Variants in LTBP1 observed in about 807,000 individuals in gnomAD.
LTBP1 encodes the protein latent-transforming growth factor beta-binding protein 1.
Under a neutral mutation model 207.6 loss-of-function variants are expected in LTBP1, and 129 were observed. The observed-to-expected ratio is 0.62, with a 90% CI of 0.54 to 0.72. The LOEUF (loss-of-function observed/expected upper bound fraction) is 0.72. Ranked by LOEUF, LTBP1 falls within the 30% of genes least tolerant of loss-of-function variation. The pLI is 0.00. For synonymous variants in LTBP1, 963 were observed against 833.7 expected (o/e 1.16, Z -2.67); for missense variants, 2,281 against 2,217.2 (o/e 1.03, Z -0.58).
At chr2:33,185,285 T>C (rs1446236955) in intron 5 of LTBP1, among the ~76,000 whole-genome samples, 5 of 152,144 alleles carry the variant, frequency 3.3e-5, no homozygotes, top group Non-Finnish European at 5.9e-5. Flanking sequence ...CAGGACCAGA[T>C]GTTTGAGTAG....
intron 3 of LTBP1, among the ~76,000 whole-genome samples, chr2:33,033,077 A>T (rs192785026): frequency 1.3e-5 from 2 of 152,206 alleles, no homozygotes. Context: ...AAAAGAAATG[A>T]TTGGGACTTT....
chr2:33,368,108 G>A (rs2095018189), intron 31 of LTBP1, among the ~76,000 whole-genome samples: 2 of 152,144 alleles, frequency 1.3e-5, no homozygotes, highest in Admixed American at 6.5e-5. Flanking sequence ...TCAGGAGGCT[G>A]AGGCAGGAGA....
intron 5 of LTBP1, among the ~76,000 whole-genome samples, chr2:33,173,912 T>G (rs2085738187): frequency 6.9e-6 from 1 of 145,430 alleles, no homozygotes; most frequent in African/African-American, 2.5e-5. Flanking sequence ...AACCACATGA[T>G]TATCTCAATA....
At chr2:33,118,200 A>C (rs1211830258) in intron 4 of LTBP1, among the ~76,000 whole-genome samples, 5 of 150,708 alleles carry the variant, frequency 3.3e-5, no homozygotes, top group African/African-American at 9.8e-5. Flanking sequence ...CAAAAAAAAA[A>C]AAACAAAAAA....
intron 9 of LTBP1, among the ~76,000 whole-genome samples, chr2:33,228,888 ACAGGGTT>A (rs1364000646): frequency 1.1e-4 from 17 of 151,246 alleles, no homozygotes; most frequent in African/African-American, 4.1e-4. Flanking sequence ...TTTAGTAGAG[ACAGGGTT>A]TCACCATGTT....
Position 32,947,683 on chromosome 2 carries a change from C to G in LTBP1, c.359C>G (p.Pro120Arg), listed in dbSNP as rs763724587. The G allele has an allele frequency of 6.7e-7, 1 of 1,498,096 alleles. No individual in the cohort carries two copies. Among genetic ancestry groups the G allele is most frequent in the African/African-American group, 1.5e-5 (1 of 68,808 alleles). The allele number at this position is 1,498,096 out of a possible 1,614,324, so 92.8% of individuals were successfully genotyped here. Reference protein sequence around the residue: ...RPAVPGGQLHPNPGGHPAAAP... With the variant: ...RPAVPGGQLHRNPGGHPAAAP... ...GCGGTCCCCGGCGGGCAGCTCCACC[C>G]CAATCCCGGCGGCCACCCGGCAGCC... The change falls in exon 1 of 34, where the codon CCC becomes CGC. Residue 120 changes from proline to arginine, a missense_variant. This residue lies in a region of LTBP1 where 555 missense variants were observed against 491.0 expected (regional missense o/e 1.13). Coordinates refer to ENST00000404816, the MANE Select transcript of LTBP1 (RefSeq NM_206943.4).
At chr2:33,142,745 A>G (rs2082736858) in intron 5 of LTBP1, among the ~76,000 whole-genome samples, 1 of 152,180 alleles carries the variant, frequency 6.6e-6, no homozygotes, top group Non-Finnish European at 1.5e-5. Flanking sequence ...GTGGTTTGCC[A>G]GATCTGTGAG....
At chr2:33,259,470 G>T in intron 12 of LTBP1, 118 bp from the exon 13 acceptor site, 1 of 686,410 alleles carries the variant, frequency 1.5e-6, no homozygotes, top group Non-Finnish European at 2.3e-6. Flanking sequence ...ATTTGCTTTA[G>T]TCTGATTCTT....
chr2:33,271,757 A>G (rs1438289174), intron 15 of LTBP1, among the ~76,000 whole-genome samples: 1 of 152,122 alleles, frequency 6.6e-6, no homozygotes, highest in Non-Finnish European at 1.5e-5. Context: ...ATTATATTCT[A>G]TATTATAATT....
chr2:33,338,333 G>A (rs539048629), intron 24 of LTBP1, among the ~76,000 whole-genome samples: 29 of 152,200 alleles, frequency 1.9e-4, no homozygotes, highest in Admixed American at 7.2e-4. Flanking sequence ...TTTGGTTCCT[G>A]TGCACAGTAA....
intron 3 of LTBP1, 34 bp from the exon 4 acceptor site, chr2:33,110,547 AT>A: frequency 6.3e-7 from 1 of 1,591,194 alleles, no homozygotes; most frequent in Non-Finnish European, 8.6e-7. Context: ...AAAGCCCATT[AT>A]TTAATTCCTT....
In LTBP1 at chr2:33,003,407, A is replaced by C. The variant is rs565976803; in HGVS notation, c.566-17502A>C. On this transcript the variant is annotated intron_variant, in intron 2 of 33. Coordinates refer to ENST00000404816, the MANE Select transcript of LTBP1 (RefSeq NM_206943.4). ...AGTTGAGGCTTAAGAGGGTTAAATAACTTGCTAAAGGTCATGCAGCCAGTT... is the reference window on the plus strand; with the variant it reads ...AGTTGAGGCTTAAGAGGGTTAAATACCTTGCTAAAGGTCATGCAGCCAGTT... Among the ~76,000 whole-genome samples, 4 of 152,318 alleles carry C rather than the reference A, an allele frequency of 2.6e-5. No homozygotes were observed. In the South Asian group the frequency reaches 6.2e-4, roughly 24 times the overall value.
chr2:32,964,641 G>T (rs1679662596), intron 2 of LTBP1, among the ~76,000 whole-genome samples: 2 of 151,900 alleles, frequency 1.3e-5, no homozygotes, highest in South Asian at 4.1e-4. Flanking sequence ...AAAGGCCACA[G>T]TTCTAAGAAA....
chr2:33,301,069 T>G (rs1302205595), intron 21 of LTBP1, among the ~76,000 whole-genome samples: 2 of 152,216 alleles, frequency 1.3e-5, no homozygotes, highest in African/African-American at 4.8e-5. Context: ...TTGCAAAATA[T>G]GTTCTGTTCC....
rs556158149 is a variant in LTBP1, at chr2:33,383,495, A to G, written c.4712-5689A>G. ...TCGTTAATCCATGTTTAAACCTGTA[A>G]GAAAAATACCTGGTCTAGAAATTGT... On this transcript the variant is annotated intron_variant, in intron 31 of 33. Transcript: ENST00000404816. 3.9e-5 allele frequency among the ~76,000 whole-genome samples: 6 copies of G among 152,302 alleles called. No individual in the cohort carries two copies. In the South Asian group the frequency reaches 1.2e-3, roughly 32 times the overall value.
intron 7 of LTBP1, among the ~76,000 whole-genome samples, chr2:33,198,975 T>G (rs1362039801): frequency 6.6e-6 from 1 of 152,186 alleles, no homozygotes; most frequent in Non-Finnish European, 1.5e-5. Context: ...TTTCTAGTTC[T>G]TTTAATTGTG....
At chr2:33,264,031 A>G (rs568490338) in intron 15 of LTBP1, among the ~76,000 whole-genome samples, 4 of 151,940 alleles carry the variant, frequency 2.6e-5, no homozygotes, top group Non-Finnish European at 5.9e-5. Flanking sequence ...CGAGGTGGGC[A>G]GATCACTAGG....
chr2:33,095,892 C>A (rs531301530), intron 3 of LTBP1, among the ~76,000 whole-genome samples: 1 of 151,936 alleles, frequency 6.6e-6, no homozygotes, highest in African/African-American at 2.4e-5. Flanking sequence ...GGAGTAATGT[C>A]ATGTAATTTA....
chr2:33,300,468 C>G lies in LTBP1; in HGVS notation c.3253C>G (p.Gln1085Glu). 6.2e-7 allele frequency: 1 copy of G among 1,613,352 alleles called. No individual in the cohort carries two copies. The highest frequency in any genetic ancestry group is 8.5e-7 in the Non-Finnish European group (1 of 1,179,564). Reference protein sequence around the residue: ...KHCRDIDECQQGNLCVNGQCK... With the variant: ...KHCRDIDECQEGNLCVNGQCK... ...GTTTGCAGATATTGATGAATGTCAG[C>G]AAGGGAATCTATGTGTAAACGGGCA... is the stretch of plus-strand genomic sequence containing the variant. The change falls in exon 21 of 34, where the codon CAA (glutamine) becomes GAA (glutamate). Residue 1085 changes from glutamine (Q) to glutamate (E), a missense_variant. This residue lies in a region of LTBP1 where 1,671 missense variants were observed against 1,634.8 expected (regional missense o/e 1.02). Transcript: ENST00000404816.
Sources: gnomAD v4.1 joint callset for allele counts (sites outside exome capture counted in the v4.1 genomes callset) on GRCh38, gnomAD v4.1.1 for gene constraint, gnomAD v4.1.1 regional missense constraint, MANE v1.5 for transcripts, NCBI Gene and HGNC (gene_info 2026-07-23, HGNC 2026-07-21) for gene names.